Variants in KCTD8 observed in about 807,000 individuals in gnomAD.
KCTD8 encodes potassium channel tetramerization domain containing 8.
In KCTD8, 27 loss-of-function variants were observed where a neutral mutation model predicts 31.5. The ratio of observed to expected loss-of-function variants is 0.86; its 90% CI spans 0.63 to 1.18. The LOEUF (loss-of-function observed/expected upper bound fraction) is 1.18. KCTD8 is among the 50% of genes most tolerant of loss of function. The pLI is 0.00. For missense variants in KCTD8, 658 were observed against 647.7 expected (o/e 1.02, Z -0.17); for synonymous variants, 290 against 280.0 (o/e 1.04, Z -0.36).
At chr4:44,228,390 C>T (rs2109351387) in intron 1 of KCTD8, among the ~76,000 whole-genome samples, 1 of 152,132 alleles carries the variant, frequency 6.6e-6, no homozygotes, top group African/African-American at 2.4e-5. Flanking sequence ...CCTTAGTTAC[C>T]TTTTTAGAGC....
At chr4:44,255,741 T>C (rs1049493338) in intron 1 of KCTD8, among the ~76,000 whole-genome samples, 2 of 151,868 alleles carry the variant, frequency 1.3e-5, no homozygotes, top group African/African-American at 4.8e-5. Context: ...CAAAAATCCA[T>C]TACAGATGAA....
intron 1 of KCTD8, among the ~76,000 whole-genome samples, chr4:44,375,936 G>C (rs1022971269): frequency 2.0e-5 from 3 of 148,828 alleles, no homozygotes; most frequent in African/African-American, 7.3e-5. Context: ...GAAGTATTTT[G>C]TGTCTCTCTC....
intron 1 of KCTD8, among the ~76,000 whole-genome samples, chr4:44,374,125 T>C (rs1044103519): frequency 3.3e-5 from 5 of 152,180 alleles, no homozygotes; most frequent in Non-Finnish European, 7.3e-5. Flanking sequence ...CTAGGTTACT[T>C]ATAATTTTTT....
At chr4:44,408,072 G>A (rs749621407) in intron 1 of KCTD8, among the ~76,000 whole-genome samples, 3 of 152,074 alleles carry the variant, frequency 2.0e-5, no homozygotes, top group Non-Finnish European at 4.4e-5. Context: ...ATATCCTAAG[G>A]ATTTAGGCAA....
intron 1 of KCTD8, among the ~76,000 whole-genome samples, chr4:44,314,660 GCATAAA>G (rs1718056401): frequency 6.6e-6 from 1 of 151,652 alleles, no homozygotes; most frequent in African/African-American, 2.4e-5. Context: ...ACATCTATAT[GCATAAA>G]CATGCACATT....
chr4:44,338,641 AC>A (rs1188639126), intron 1 of KCTD8, among the ~76,000 whole-genome samples: 1 of 152,182 alleles, frequency 6.6e-6, no homozygotes, highest in Non-Finnish European at 1.5e-5. Flanking sequence ...TCGATTTCTG[AC>A]TTTTTAATGC....
chr4:44,308,545 A>G (rs866709750), intron 1 of KCTD8, among the ~76,000 whole-genome samples: 2 of 150,890 alleles, frequency 1.3e-5, no homozygotes, highest in Non-Finnish European at 1.5e-5. Context: ...TTGTATTTCA[A>G]TATTTTATTG....
At chr4:44,224,780 A>G (rs1219907319) in intron 1 of KCTD8, among the ~76,000 whole-genome samples, 1 of 152,146 alleles carries the variant, frequency 6.6e-6, no homozygotes, top group Non-Finnish European at 1.5e-5. Context: ...GTGGGGCGAG[A>G]TAGTGAGTAT....
chr4:44,360,075 T>C (rs765869730), intron 1 of KCTD8, among the ~76,000 whole-genome samples: 1 of 152,026 alleles, frequency 6.6e-6, no homozygotes, highest in Non-Finnish European at 1.5e-5. Flanking sequence ...ATTCAGTAAA[T>C]TTATTCAGTA....
chr4:44,303,307 C>CT (rs1717688783), intron 1 of KCTD8, among the ~76,000 whole-genome samples: 1 of 151,962 alleles, frequency 6.6e-6, no homozygotes, highest in Non-Finnish European at 1.5e-5. Context: ...CCAGTTCCTC[C>CT]TTGTACCTCT....
At chr4:44,211,030 C>CA (rs1714472931) in intron 1 of KCTD8, among the ~76,000 whole-genome samples, 1 of 152,162 alleles carries the variant, frequency 6.6e-6, no homozygotes, top group South Asian at 2.1e-4. Flanking sequence ...TTATATTTGA[C>CA]AAGGAGCTTT....
At chr4:44,253,657 T>C (rs1026007236) in intron 1 of KCTD8, among the ~76,000 whole-genome samples, 2 of 151,838 alleles carry the variant, frequency 1.3e-5, no homozygotes, top group African/African-American at 4.8e-5. Flanking sequence ...CTTTCTATAC[T>C]GGTCCTTTCC....
rs1560387565 is a variant in KCTD8 at position 44,181,225 on chromosome 4, ACGGTCTCCCTCTCCCTCTCTTT to A, written c.962-5997_962-5976del. ...ACGGTCTCCCTCTCCCTCTCTTTCC[ACGGTCTCCCTCTCCCTCTCTTT>A]CCACGGTCTCCCTCTCCCTCTCTTT... On this transcript the variant is annotated intron_variant, in intron 1 of 1. Transcript: ENST00000360029. Among the ~76,000 whole-genome samples, 572 of 99,948 alleles carry A rather than the reference ACGGTCTCCCTCTCCCTCTCTTT, an allele frequency of 5.7e-3. 11 individuals carry two copies. Among genetic ancestry groups the A allele is most frequent in the African/African-American group, 0.025 (542 of 21,340 alleles). The allele number at this position is 99,948 out of a possible 152,430, so 65.6% of individuals were successfully genotyped here. A position where few individuals can be genotyped will look rare whatever the true frequency, so the allele number is the denominator to read the frequency against.
At chr4:44,398,038 C>A (rs1332101662) in intron 1 of KCTD8, among the ~76,000 whole-genome samples, 1 of 151,954 alleles carries the variant, frequency 6.6e-6, no homozygotes, top group Non-Finnish European at 1.5e-5. Flanking sequence ...GTAGGAAAAT[C>A]TTTGATAGAG....
chr4:44,306,855 T>C (rs2109396285), intron 1 of KCTD8, among the ~76,000 whole-genome samples: 2 of 151,988 alleles, frequency 1.3e-5, no homozygotes, highest in South Asian at 2.1e-4. Flanking sequence ...CACTGACTAT[T>C]TAAAAAGGAG....
At chr4:44,394,735 C>A (rs1720454071) in intron 1 of KCTD8, among the ~76,000 whole-genome samples, 1 of 151,990 alleles carries the variant, frequency 6.6e-6, no homozygotes, top group Admixed American at 6.6e-5. Flanking sequence ...TAAACCAGAC[C>A]AAGATCTCAA....
chr4:44,296,682 G>T (rs1717447034), intron 1 of KCTD8, among the ~76,000 whole-genome samples: 1 of 152,010 alleles, frequency 6.6e-6, no homozygotes, highest in African/African-American at 2.4e-5. Flanking sequence ...ATGGTATCAT[G>T]TGGGCTTCAC....
chr4:44,416,207 T>C (rs1173546851), intron 1 of KCTD8, among the ~76,000 whole-genome samples: 1 of 152,226 alleles, frequency 6.6e-6, no homozygotes, highest in East Asian at 1.9e-4. Context: ...TTTGGCTGAT[T>C]TCTCATTTTT....
At chr4:44,432,922 T>C (rs1458366122) in intron 1 of KCTD8, among the ~76,000 whole-genome samples, 1 of 151,700 alleles carries the variant, frequency 6.6e-6, no homozygotes, top group Admixed American at 6.6e-5. Context: ...GTTTCGCCCA[T>C]AGCTTCCATA....
Sources: allele counts gnomAD v4.1 joint callset (sites outside exome capture counted in the v4.1 genomes callset), GRCh38; gene constraint gnomAD v4.1.1; transcripts MANE v1.5; gene names NCBI Gene and HGNC (gene_info 2026-07-23, HGNC 2026-07-21).